Variants in GPHN observed in about 807,000 individuals in gnomAD.
GPHN encodes gephyrin.
A neutral mutation model predicts 95.5 loss-of-function variants in GPHN; 17 were observed. The observed-to-expected ratio is 0.18, with a 90% CI of 0.12 to 0.27. GPHN has a LOEUF of 0.27. Ranked by LOEUF, GPHN falls within the 10% of genes least tolerant of loss-of-function variation. GPHN has a pLI of 1.00. For missense variants in GPHN, 660 were observed against 978.1 expected (o/e 0.67, Z 4.34); for synonymous variants, 320 against 322.5 (o/e 0.99, Z 0.08).
chr14:67,028,109 T>C (rs1195191822), intron 10 of GPHN, among the ~76,000 whole-genome samples: 1 of 152,324 alleles, frequency 6.6e-6, no homozygotes, highest in East Asian at 1.9e-4. Context: ...CTCCCACAGA[T>C]TAATGAGAAC....
the GPHN span, among the ~76,000 whole-genome samples, chr14:67,633,354 C>A: frequency 6.6e-6 from 1 of 151,948 alleles, no homozygotes; most frequent in Admixed American, 6.6e-5. Context: ...CCTGTGGTGT[C>A]CTATGACATA....
chr14:67,272,552 C>A, the GPHN span, among the ~76,000 whole-genome samples: 1 of 152,194 alleles, frequency 6.6e-6, no homozygotes, highest in Non-Finnish European at 1.5e-5. Context: ...ACCACTATTC[C>A]TACTCCTATG....
At chr14:66,546,654 C>G (rs867448872) in intron 1 of GPHN, among the ~76,000 whole-genome samples, 4 of 151,306 alleles carry the variant, frequency 2.6e-5, no homozygotes, top group Admixed American at 1.3e-4. Context: ...TGCCTGCAAT[C>G]GCAGGCACTC....
chr14:67,585,543 T>C, the GPHN span: 3 of 1,486,842 alleles, frequency 2.0e-6, no homozygotes, highest in Non-Finnish European at 2.8e-6. Context: ...TGGATATATC[T>C]GATGGGTTGT....
At chr14:67,065,541 C>G (rs1300976015) in intron 11 of GPHN, among the ~76,000 whole-genome samples, 2 of 151,930 alleles carry the variant, frequency 1.3e-5, no homozygotes, top group Non-Finnish European at 2.9e-5. Flanking sequence ...TTAAAGTCTC[C>G]CATTATTATT....
rs2077077545 is a variant in GPHN, at chr14:67,089,898, G to T, written c.1237+823G>T. Among the ~76,000 whole-genome samples the T allele has an allele frequency of 3.3e-5, 5 of 152,124 alleles. No individual in the cohort carries two copies. The South Asian group carries it at 1.0e-3, about 31-fold the overall frequency. ...CCAAATGTAAATTCTGAATTGCTTA[G>T]AAACTGTTGTTGATTTTTTTGGTTT... On this transcript the variant is annotated intron_variant, in intron 12 of 22. Coordinates refer to ENST00000478722, the MANE Select transcript of GPHN (RefSeq NM_020806.5).
At chr14:67,641,808 TTGTG>T in the GPHN span, among the ~76,000 whole-genome samples, 1 of 148,658 alleles carries the variant, frequency 6.7e-6, no homozygotes, top group African/African-American at 2.6e-5. Context: ...GAGACTCTCT[TTGTG>T]TATTTTTTTG....
chr14:66,622,452 A>G (rs1408628922), intron 1 of GPHN, among the ~76,000 whole-genome samples: 1 of 152,176 alleles, frequency 6.6e-6, no homozygotes, highest in Non-Finnish European at 1.5e-5. Flanking sequence ...TCAGCTCCTC[A>G]TTACTTTTGC....
the GPHN span, among the ~76,000 whole-genome samples, chr14:67,708,436 A>G: frequency 2.6e-5 from 4 of 152,200 alleles, no homozygotes; most frequent in East Asian, 7.7e-4. Flanking sequence ...TTAGAGTTCT[A>G]TAGCTGATTA....
intron 8 of GPHN, among the ~76,000 whole-genome samples, chr14:66,931,982 C>T (rs894323364): frequency 2.0e-5 from 3 of 152,092 alleles, no homozygotes; most frequent in African/African-American, 7.2e-5. Flanking sequence ...TTGTTTGTAC[C>T]CATCCTTCTT....
At chr14:67,275,267 A>G in the GPHN span, among the ~76,000 whole-genome samples, 1 of 152,140 alleles carries the variant, frequency 6.6e-6, no homozygotes, top group African/African-American at 2.4e-5. Flanking sequence ...TGTCATAAAT[A>G]GCTCTTATTA....
At chr14:67,430,347 G>A in the GPHN span, among the ~76,000 whole-genome samples, 1 of 152,186 alleles carries the variant, frequency 6.6e-6, no homozygotes, top group South Asian at 2.1e-4. Context: ...TGTAAGTTAG[G>A]AAGGATCCAG....
the GPHN span, among the ~76,000 whole-genome samples, chr14:67,474,177 G>T: frequency 6.6e-6 from 1 of 151,904 alleles, no homozygotes; most frequent in African/African-American, 2.4e-5. Context: ...GCTTGAACCC[G>T]CAAGGCAGAG....
chr14:66,779,903 A>T (rs1310568585), intron 3 of GPHN, among the ~76,000 whole-genome samples: 2 of 152,156 alleles, frequency 1.3e-5, no homozygotes, highest in Non-Finnish European at 2.9e-5. Flanking sequence ...AAGTGATTTC[A>T]GCAGAGAAGA....
At chr14:67,630,665 C>T in the GPHN span, among the ~76,000 whole-genome samples, 14 of 152,260 alleles carry the variant, frequency 9.2e-5, no homozygotes, top group South Asian at 6.2e-4. Context: ...CTGCAACCTC[C>T]GCCTCCCAGG....
intron 9 of GPHN, among the ~76,000 whole-genome samples, chr14:67,005,236 T>G (rs1336466158): frequency 6.6e-6 from 1 of 151,882 alleles, no homozygotes; most frequent in Non-Finnish European, 1.5e-5. Flanking sequence ...CAGTTGCAGC[T>G]GTCATTCTCC....
intron 2 of GPHN, chr14:66,760,889 T>A: frequency 1.1e-6 from 1 of 942,968 alleles, no homozygotes. Flanking sequence ...GACAGAAAGT[T>A]CAGGATATCA....
chr14:66,908,498 C>T (rs1031366186), intron 5 of GPHN, among the ~76,000 whole-genome samples: 2 of 152,008 alleles, frequency 1.3e-5, no homozygotes, highest in Admixed American at 6.6e-5. Flanking sequence ...AGACAAATGT[C>T]CTGTGCATAT....
intron 8 of GPHN, among the ~76,000 whole-genome samples, chr14:66,950,054 T>G (rs925949410): frequency 7.2e-6 from 1 of 138,100 alleles, no homozygotes; most frequent in East Asian, 2.2e-4. Context: ...CCTAGGAAAA[T>G]TATGTGTTCC....
Sources: gnomAD v4.1 joint callset for allele counts (sites outside exome capture counted in the v4.1 genomes callset) on GRCh38, gnomAD v4.1.1 for gene constraint, MANE v1.5 for transcripts, NCBI Gene and HGNC (gene_info 2026-07-23, HGNC 2026-07-21) for gene names.